Variants in ZNF335 observed in about 807,000 individuals in gnomAD.
ZNF335 encodes the protein NRC-interacting factor 1.
ZNF335 carries 84 observed loss-of-function variants against 145.6 expected under a neutral mutation model. That is an observed-to-expected ratio of 0.58 (90% confidence interval 0.48 to 0.69). The LOEUF is 0.69. Among genes scored for constraint, ZNF335 ranks in the 30% least tolerant of loss-of-function variants. The pLI is 0.00. For missense variants in ZNF335, 1,865 were observed against 1,809.7 expected (o/e 1.03, Z -0.55); for synonymous variants, 761 against 717.0 (o/e 1.06, Z -0.98).
intron 6 of ZNF335, 43 bp from the exon 7 acceptor site, chr20:45,965,817 C>A (rs973443302): frequency 6.4e-7 from 1 of 1,573,050 alleles, no homozygotes; most frequent in Non-Finnish European, 8.6e-7. Flanking sequence ...GTGGCGGGAC[C>A]TGCCCTTTCA....
chr20:45,960,975 C>T, intron 10 of ZNF335, 93 bp from the exon 11 acceptor site: 1 of 1,530,444 alleles, frequency 6.5e-7, no homozygotes, highest in Non-Finnish European at 8.9e-7. Context: ...AGCTATGAGC[C>T]TACTCCCTGC....
chr20:45,953,915 C>T lies in ZNF335; in HGVS notation c.2476G>A (p.Gly826Arg), dbSNP rs368863056. ...AVVKSEDVEAGLASPGGQPSP... is the reference protein window; with the variant it reads ...AVVKSEDVEARLASPGGQPSP... ...GGCTGCCCACCAGGGGATGCTAACC[C>T]TGCTTCCACATCTTCCGACTTCACC... Residue 826 changes from glycine (G) to arginine (R), a missense_variant, in exon 18 of 28, where the codon GGG becomes AGG. By Grantham distance (125) the Gly-to-Arg change is moderately radical (BLOSUM62 -2). Coordinates refer to ENST00000322927, the MANE Select transcript of ZNF335 (RefSeq NM_022095.4). 2 of 1,609,402 alleles carry T rather than the reference C, an allele frequency of 1.2e-6. No individual in the cohort carries two copies. The highest frequency in any genetic ancestry group is 1.3e-5 in the African/African-American group (1 of 74,896).
At chr20:45,972,048 C>G in intron 1 of ZNF335, 74 bp downstream of exon 1, 1 of 1,258,650 alleles carries the variant, frequency 7.9e-7, no homozygotes, top group East Asian at 6.0e-5. Context: ...GACCTCGCCT[C>G]CGGGTATCCC....
chr20:45,962,818 TG>T (rs71335594), intron 9 of ZNF335, among the ~76,000 whole-genome samples: 30,441 of 125,566 alleles, frequency 0.24, 6,118 homozygotes, highest in Non-Finnish European at 0.31. Context: ...TTTTTTTGTT[TG>T]TTTGTTTTTT....
intron 10 of ZNF335, 111 bp from the exon 11 acceptor site, chr20:45,960,993 C>T: frequency 2.1e-6 from 3 of 1,449,384 alleles, no homozygotes; most frequent in East Asian, 2.5e-5. Flanking sequence ...TGCCAAGGCC[C>T]CTTTCTCTTA....
At chr20:45,950,635 G>A (rs1365676193) in intron 20 of ZNF335, 40 bp from the exon 21 acceptor site, 1 of 1,601,642 alleles carries the variant, frequency 6.2e-7, no homozygotes. Context: ...GCTGGGTCAG[G>A]ACAGATGGCA....
chr20:45,952,804 C>G, intron 18 of ZNF335, 95 bp from the exon 19 acceptor site: 1 of 1,118,848 alleles, frequency 8.9e-7, no homozygotes, highest in Non-Finnish European at 1.3e-6. Flanking sequence ...ACTGTCACCA[C>G]AGATGGACTC....
intron 12 of ZNF335, 37 bp from the exon 13 acceptor site, chr20:45,960,562 C>G (rs768071104): frequency 4.3e-6 from 7 of 1,613,942 alleles, no homozygotes; most frequent in Admixed American, 1.7e-5. Flanking sequence ...GGCGATCACC[C>G]TCCATCACCC....
At chr20:45,967,661 G>T in intron 5 of ZNF335, 27 bp from the exon 6 acceptor site, 1 of 1,612,666 alleles carries the variant, frequency 6.2e-7, no homozygotes, top group African/African-American at 1.3e-5. Flanking sequence ...GGTAAGACAA[G>T]CTTGCCATGT....
At position 45,948,813 on chromosome 20, in the gene ZNF335, G is replaced by T; in HGVS notation, c.*140C>A. The T allele has an allele frequency of 7.1e-7, 1 of 1,407,112 alleles. No individual in the cohort carries two copies. The highest frequency in any genetic ancestry group is 9.8e-7 in the Non-Finnish European group (1 of 1,024,020). The allele number at this position is 1,407,112 out of a possible 1,614,324, so 87.2% of individuals were successfully genotyped here. A position where few individuals can be genotyped will look rare whatever the true frequency, so the allele number is the denominator to read the frequency against. On this transcript the variant is annotated 3_prime_UTR_variant, in exon 28 of 28. Coordinates refer to ENST00000322927, the MANE Select transcript of ZNF335 (RefSeq NM_022095.4). ...GGCTGCCCCTAACCCCAACAGCACA[G>T]GTCTGGCTCCCTGGGAATGAGAGGA...
chr20:45,949,740 T>G (rs2083593046), intron 24 of ZNF335, 60 bp downstream of exon 24: 1 of 1,566,206 alleles, frequency 6.4e-7, no homozygotes, highest in South Asian at 1.1e-5. Flanking sequence ...CTCCCCAAGG[T>G]AGGTCTTTGG....
At position 45,971,383 on chromosome 20, in the gene ZNF335, T is replaced by G; in HGVS notation, c.28A>C (p.Ser10Arg). Residue 10 changes from serine to arginine, a missense_variant, in exon 2 of 28, where the codon AGC becomes CGC. By Grantham distance (110) the Ser-to-Arg change is moderately radical. Coordinates refer to ENST00000322927, the MANE Select transcript of ZNF335 (RefSeq NM_022095.4). ...CGGCCAGGCCCAGGGGCCGCGTCGCTGCTGCTCTCCACCTCGTTCTCCTCC... is the reference window on the plus strand; with the variant it reads ...CGGCCAGGCCCAGGGGCCGCGTCGCGGCTGCTCTCCACCTCGTTCTCCTCC... MEENEVESS[S>R]DAAPGPGRPE... 6.2e-7 allele frequency: 1 copy of G among 1,600,678 alleles called. No individual in the cohort carries two copies.
rs2083575738 is a variant in ZNF335, at chr20:45,949,009, G to C, written c.3973C>G (p.Gln1325Glu). 4 of 1,613,984 alleles carry C rather than the reference G, an allele frequency of 2.5e-6. No individual in the cohort carries two copies. The highest frequency in any genetic ancestry group is 2.5e-6 in the Non-Finnish European group (3 of 1,180,034). ...GTDETVPEHI[Q>E]QLQHQGIEYD... ...TCGATGCCCTGGTGCTGCAGCTGTTGAATGTGTTCGGGCACTGTCTCGTCT... is the reference window on the plus strand; with the variant it reads ...TCGATGCCCTGGTGCTGCAGCTGTTCAATGTGTTCGGGCACTGTCTCGTCT... Residue 1325 changes from glutamine to glutamate, a missense_variant, in exon 28 of 28, where the codon CAA becomes GAA. Gln to Glu is a conservative substitution (Grantham distance 29, BLOSUM62 2). Coordinates refer to ENST00000322927, the MANE Select transcript of ZNF335 (RefSeq NM_022095.4).
In ZNF335 at chr20:45,967,935, T is replaced by C. The variant is rs1568828544; in HGVS notation, c.613A>G (p.Thr205Ala). 1 of 1,607,828 alleles carries C rather than the reference T, an allele frequency of 6.2e-7. No individual in the cohort carries two copies. Among genetic ancestry groups the C allele is most frequent in the Non-Finnish European group, 8.5e-7 (1 of 1,175,750 alleles). Residue 205 changes from threonine (T) to alanine (A), a missense_variant, in exon 5 of 28, where the codon ACA (threonine) becomes GCA (alanine). By Grantham distance (58) the Thr-to-Ala change is moderately conservative. Transcript: ENST00000322927. ...GGCCCACCCTGTGCCTCCAGGCATG[T>C]GGATGTGGATGTGGGGCCATCTGCC... ...ALADGPTSTS[T>A]CLEAQGGPSS...
intron 6 of ZNF335, 35 bp from the exon 7 acceptor site, chr20:45,965,809 G>A: frequency 3.2e-6 from 5 of 1,579,400 alleles, no homozygotes; most frequent in Non-Finnish European, 4.3e-6. Flanking sequence ...AACAGTGAGT[G>A]GCGGGACCTG....
chr20:45,963,521 G>A lies in ZNF335; in HGVS notation c.1485C>T (p.Phe495=). The change falls in exon 9 of 28, where the codon TTC becomes TTT. Residue 495 remains phenylalanine, a synonymous_variant. Transcript: ENST00000322927. Reference sequence around the variant, plus strand: ...AACGATAGCTGCACTGCAGGCACTTGAAGAGCTGGGGATCGCCAGCCTCAT... The same window carrying A: ...AACGATAGCTGCACTGCAGGCACTTAAAGAGCTGGGGATCGCCAGCCTCAT... The part of the protein sequence containing the change: ...NSHEAGDPQL[F]KCLQCSYRSR... 1.2e-6 allele frequency: 2 copies of A among 1,614,162 alleles called. No homozygotes were observed. The highest frequency in any genetic ancestry group is 1.7e-6 in the Non-Finnish European group (2 of 1,180,040).
Position 45,950,032 on chromosome 20 carries a change from C to G in ZNF335, c.3525G>C (p.Glu1175Asp). ...LQSSHGVLGP[E>D]RLQQALSQEH... ...CCTGGCTCAGTGCCTGCTGTAGCCGCTCTGGGCCCAGGACCCCGTGACTGG... is the reference window on the plus strand; with the variant it reads ...CCTGGCTCAGTGCCTGCTGTAGCCGGTCTGGGCCCAGGACCCCGTGACTGG... The change falls in exon 23 of 28, where the codon GAG (glutamate) becomes GAC (aspartate). Residue 1175 changes from glutamate to aspartate, a missense_variant. Glu to Asp is a conservative substitution (Grantham distance 45, BLOSUM62 2). Transcript: ENST00000322927. The G allele has an allele frequency of 6.2e-7, 1 of 1,614,086 alleles. No homozygotes were observed. The highest frequency in any genetic ancestry group is 8.5e-7 in the Non-Finnish European group (1 of 1,180,008).
rs755176005 is a variant in ZNF335, at chr20:45,949,524, G to C, written c.3714C>G (p.Pro1238=). Residue 1238 remains proline (P), a synonymous_variant, in exon 25 of 28, where the codon CCC becomes CCG. Coordinates refer to ENST00000322927, the MANE Select transcript of ZNF335 (RefSeq NM_022095.4). ...ISQDGVQHLL[P]QEYVVVPEGH... ...CTTCAGGGACCACAACATATTCCTG[G>C]GGGAGCAGGTGCTGGACACCATCCT... The C allele has an allele frequency of 6.2e-7, 1 of 1,613,558 alleles. No homozygotes were observed. The highest frequency in any genetic ancestry group is 8.5e-7 in the Non-Finnish European group (1 of 1,179,986).
At chr20:45,955,164 C>T (rs143675322) in intron 17 of ZNF335, among the ~76,000 whole-genome samples, 1,693 of 151,704 alleles carry the variant, frequency 0.011, 33 homozygotes, top group African/African-American at 0.039. Context: ...TCCTGCTTAA[C>T]ATGGTGAAAC....
Sources: gnomAD v4.1 joint callset for allele counts (sites outside exome capture counted in the v4.1 genomes callset) on GRCh38, gnomAD v4.1.1 for gene constraint, MANE v1.5 for transcripts, NCBI Gene and HGNC (gene_info 2026-07-23, HGNC 2026-07-21) for gene names.